The following PAG1 variants were observed in gnomAD, a reference collection of about 807,000 sequenced individuals.
PAG1 encodes phosphoprotein membrane anchor with glycosphingolipid microdomains 1, also known as phosphoprotein associated with glycosphingolipid-enriched microdomains 1.
A neutral mutation model predicts 31.7 loss-of-function variants in PAG1; 23 were observed. The ratio of observed to expected loss-of-function variants is 0.73; its 90% CI spans 0.52 to 1.03. The LOEUF is 1.03. Ranked by LOEUF, PAG1 falls within the 50% of genes least tolerant of loss-of-function variation. PAG1 has a pLI of 0.00. For synonymous variants in PAG1, 214 were observed against 210.3 expected (o/e 1.02, Z -0.15); for missense variants, 473 against 540.7 (o/e 0.87, Z 1.24).
At chr8:81,007,154 G>A (rs1807894967) in intron 3 of PAG1, among the ~76,000 whole-genome samples, 1 of 152,174 alleles carries the variant, frequency 6.6e-6, no homozygotes, top group African/African-American at 2.4e-5. Flanking sequence ...CTATGATACA[G>A]CGGCAAGGTT....
chr8:80,976,506 C>A lies in PAG1; in HGVS notation c.*38G>T, dbSNP rs1480314774. The A allele has an allele frequency of 6.4e-7, 1 of 1,563,654 alleles. No individual in the cohort carries two copies. Among genetic ancestry groups the A allele is most frequent in the Non-Finnish European group, 8.6e-7 (1 of 1,160,026 alleles). On this transcript the variant is annotated 3_prime_UTR_variant, in exon 9 of 9. Coordinates refer to ENST00000220597, the MANE Select transcript of PAG1 (RefSeq NM_018440.4). ...CTTCCACAGAAGAAACGTCTCCAGA[C>A]ACTGATCACAGGCTACCCAGGGTTG...
At chr8:80,998,159 C>A (rs139147647) in intron 3 of PAG1, among the ~76,000 whole-genome samples, 1,550 of 140,884 alleles carry the variant, frequency 0.011, 29 homozygotes, top group African/African-American at 0.04. Flanking sequence ...GAGACAAAGT[C>A]TCGCTCTGTC....
chr8:80,979,515 G>A (rs1056024789), intron 8 of PAG1, among the ~76,000 whole-genome samples: 1 of 152,224 alleles, frequency 6.6e-6, no homozygotes, highest in Non-Finnish European at 1.5e-5. Context: ...CAGATAGACA[G>A]ATGGCAGGTC....
intron 8 of PAG1, among the ~76,000 whole-genome samples, chr8:80,977,852 A>T (rs1807216304): frequency 6.6e-6 from 1 of 152,206 alleles, no homozygotes; most frequent in Admixed American, 6.5e-5. Flanking sequence ...TTATTGTGAA[A>T]AATCACGGTT....
intron 8 of PAG1, among the ~76,000 whole-genome samples, 162 bp from the exon 9 acceptor site, chr8:80,977,068 A>G (rs1339829126): frequency 6.6e-6 from 1 of 152,080 alleles, no homozygotes; most frequent in Non-Finnish European, 1.5e-5. Flanking sequence ...ATTACTAGAG[A>G]ATAATTACAC....
Position 80,991,462 on chromosome 8 carries a change from G to C in PAG1, c.177+17C>G. On this transcript the variant is annotated intron_variant, in intron 5 of 8. Coordinates refer to ENST00000220597, the MANE Select transcript of PAG1 (RefSeq NM_018440.4). ...AGCACGCACGGACAGACAGGCAGAC[G>C]ACACGCGCAGGCTCACCACGTTCAT... is the stretch of plus-strand genomic sequence containing the variant. 6.2e-7 allele frequency: 1 copy of C among 1,603,426 alleles called. No individual in the cohort carries two copies. Among genetic ancestry groups the C allele is most frequent in the Non-Finnish European group, 8.5e-7 (1 of 1,170,220 alleles).
At chr8:80,984,746 C>A in intron 7 of PAG1, 30 bp downstream of exon 7, 1 of 1,597,232 alleles carries the variant, frequency 6.3e-7, no homozygotes, top group Non-Finnish European at 8.5e-7. Flanking sequence ...CAGGAACCCA[C>A]AAAGACAAAA....
intron 1 of PAG1, among the ~76,000 whole-genome samples, chr8:81,093,637 G>C (rs572608436): frequency 6.6e-6 from 1 of 151,368 alleles, no homozygotes; most frequent in Non-Finnish European, 1.5e-5. Context: ...ATGTGGCCCT[G>C]AGCCCACCTT....
intron 1 of PAG1, among the ~76,000 whole-genome samples, chr8:81,074,449 T>A (rs562111509): frequency 6.6e-6 from 1 of 152,168 alleles, no homozygotes; most frequent in Admixed American, 6.5e-5. Flanking sequence ...CAAGGAAAAT[T>A]AGCAGGATCA....
At chr8:81,077,006 T>C (rs925771514) in intron 1 of PAG1, among the ~76,000 whole-genome samples, 1 of 152,234 alleles carries the variant, frequency 6.6e-6, no homozygotes, top group African/African-American at 2.4e-5. Context: ...AACCTTCCTG[T>C]CTTTTCTAAA....
At chr8:81,027,254 G>A (rs968584950) in intron 3 of PAG1, among the ~76,000 whole-genome samples, 3 of 152,024 alleles carry the variant, frequency 2.0e-5, no homozygotes, top group Admixed American at 6.6e-5. Context: ...TGCCCACCTC[G>A]GCCTCCCAAA....
Position 81,077,515 on chromosome 8 carries a change from C to T in PAG1, c.-233-7345G>A, listed in dbSNP as rs72674054. Among the ~76,000 whole-genome samples, 582 of 152,356 alleles carry T rather than the reference C, an allele frequency of 3.8e-3. 5 individuals carry two copies. The highest frequency in any genetic ancestry group is 6.6e-3 in the Non-Finnish European group (452 of 68,040). On this transcript the variant is annotated intron_variant, in intron 1 of 8. Transcript: ENST00000220597. ...GCCTCAGTCTTTATTCTTTTCCTCA[C>T]TCACATTTGAATACCAATTGTCACC...
At chr8:81,110,233 A>T (rs571255013) in intron 1 of PAG1, among the ~76,000 whole-genome samples, 1 of 152,336 alleles carries the variant, frequency 6.6e-6, no homozygotes, top group African/African-American at 2.4e-5. Flanking sequence ...TTAAACATTT[A>T]TGTATGTGTA....
intron 8 of PAG1, among the ~76,000 whole-genome samples, chr8:80,980,017 C>T (rs578060767): frequency 9.2e-5 from 14 of 152,274 alleles, no homozygotes; most frequent in African/African-American, 2.9e-4. Flanking sequence ...CGGAGACTTC[C>T]TCTTTCTGTC....
chr8:80,982,488 C>T (rs1807327917), intron 7 of PAG1, among the ~76,000 whole-genome samples: 1 of 152,112 alleles, frequency 6.6e-6, no homozygotes, highest in Non-Finnish European at 1.5e-5. Context: ...GGAGCTCTTC[C>T]AGGCTCTATT....
chr8:81,026,052 T>C (rs1288476772), intron 3 of PAG1, among the ~76,000 whole-genome samples: 3 of 152,132 alleles, frequency 2.0e-5, no homozygotes, highest in African/African-American at 2.4e-5. Flanking sequence ...CCTTGGCAAG[T>C]CACTTACCCT....
chr8:80,969,181 A>G lies in PAG1; in HGVS notation c.*7363T>C, dbSNP rs1253069143. On this transcript the variant is annotated 3_prime_UTR_variant, in exon 9 of 9. Transcript: ENST00000220597. ...GGCGGGTAGTGGCACATAGGAATTA[A>G]ATCCTAGCATGGCTCCAGGAAAAAC... 6.6e-6 allele frequency: 1 copy of G among 152,186 alleles called. No homozygotes were observed. Among genetic ancestry groups the G allele is most frequent in the African/African-American group, 2.4e-5 (1 of 41,426 alleles). 9.4% of individuals were successfully genotyped at this position (152,186 alleles called of 1,614,324 possible).
intron 2 of PAG1, among the ~76,000 whole-genome samples, chr8:81,046,639 G>A (rs1453320071): frequency 6.6e-6 from 1 of 152,132 alleles, no homozygotes; most frequent in African/African-American, 2.4e-5. Context: ...GTAATTGATT[G>A]TGACCACTCT....
At chr8:81,050,986 A>G (rs1399986794) in intron 2 of PAG1, among the ~76,000 whole-genome samples, 4 of 152,246 alleles carry the variant, frequency 2.6e-5, no homozygotes, top group Non-Finnish European at 4.4e-5. Context: ...CTTTCTCTAC[A>G]GGATGGTGAC....
Sources: allele counts gnomAD v4.1 joint callset (sites outside exome capture counted in the v4.1 genomes callset), GRCh38; gene constraint gnomAD v4.1.1; transcripts MANE v1.5; gene names NCBI Gene and HGNC (gene_info 2026-07-23, HGNC 2026-07-21).